The following SLC39A10 variants were observed in gnomAD, a reference collection of about 807,000 sequenced individuals.
The protein encoded by SLC39A10 is solute carrier family 39 member 10.
A neutral mutation model predicts 65.1 loss-of-function variants in SLC39A10; 13 were observed. That is an observed-to-expected ratio of 0.20 (90% CI 0.13 to 0.32). The LOEUF (loss-of-function observed/expected upper bound fraction) is 0.32. Among genes scored for constraint, SLC39A10 ranks in the 10% least tolerant of loss-of-function variants. The probability of loss-of-function intolerance (pLI) is 1.00; values close to 1 mark genes in which losing one functional copy is unlikely to be tolerated. For synonymous variants in SLC39A10, 321 were observed against 342.2 expected (o/e 0.94, Z 0.68); for missense variants, 831 against 1,018.4 (o/e 0.82, Z 2.50).
At position 195,681,001 on chromosome 2, in the gene SLC39A10, C is replaced by G. The variant is rs1186280017; in HGVS notation, c.959C>G (p.Ala320Gly). 4 of 1,612,772 alleles carry G rather than the reference C, an allele frequency of 2.5e-6. No homozygotes were observed. Among genetic ancestry groups the G allele is most frequent in the Non-Finnish European group, 3.4e-6 (4 of 1,179,358 alleles). The change falls in exon 2 of 10, where the codon GCA (alanine) becomes GGA (glycine). Residue 320 changes from alanine (A) to glycine (G), a missense_variant. Ala to Gly is a moderately conservative substitution (Grantham distance 60). Transcript: ENST00000359634. ...GAAGCACCACATGTTAAAAATAATG[C>G]AATAATTTCTTTGAGAAAAGATCTA... ...KREAPHVKNNAIISLRKDLNE... is the reference protein window; with the variant it reads ...KREAPHVKNNGIISLRKDLNE...
At chr2:195,699,085 C>T (rs1196148891) in intron 3 of SLC39A10, among the ~76,000 whole-genome samples, 4 of 151,922 alleles carry the variant, frequency 2.6e-5, no homozygotes, top group African/African-American at 9.7e-5. Context: ...TGTTGGTTTA[C>T]AGCTGTTCAT....
chr2:195,668,119 C>T (rs1299933341), intron 1 of SLC39A10, among the ~76,000 whole-genome samples: 1 of 152,152 alleles, frequency 6.6e-6, no homozygotes, highest in Non-Finnish European at 1.5e-5. Context: ...CACACAGCCT[C>T]ACTGCTTCTC....
rs1051518777 is a variant in SLC39A10 at position 195,657,745 on chromosome 2, G to C, written c.-12+464G>C. 2.3e-5 allele frequency: 13 copies of C among 560,046 alleles called. No individual in the cohort carries two copies. In the African/African-American group the frequency reaches 2.6e-4, roughly 11 times the overall value. 34.7% of individuals were successfully genotyped at this position (560,046 alleles called of 1,614,324 possible). On this transcript the variant is annotated intron_variant, in intron 1 of 9. Coordinates refer to ENST00000359634, the MANE Select transcript of SLC39A10 (RefSeq NM_020342.3). ...GCGAGGCTTTGGGGATCTGTAGGCA[G>C]GTCTTCGGGGGCTTGGCGACCAGCG... is the stretch of plus-strand genomic sequence containing the variant.
chr2:195,722,113 A>C (rs539951453), intron 8 of SLC39A10, among the ~76,000 whole-genome samples: 1 of 152,194 alleles, frequency 6.6e-6, no homozygotes, highest in Non-Finnish European at 1.5e-5. Context: ...CTCTGCTTGG[A>C]CCAGGAACCC....
At chr2:195,629,205 G>A (rs1288263826) in intron 2 of SLC39A10, among the ~76,000 whole-genome samples, 1 of 151,858 alleles carries the variant, frequency 6.6e-6, no homozygotes, top group Non-Finnish European at 1.5e-5. Flanking sequence ...TGGTTAACAC[G>A]GTGAAACCCC....
At chr2:195,635,518 G>A (rs574526264) in intron 2 of SLC39A10, among the ~76,000 whole-genome samples, 49 of 152,154 alleles carry the variant, frequency 3.2e-4, no homozygotes, top group Non-Finnish European at 6.3e-4. Flanking sequence ...CAGTAGTTTA[G>A]CACAAATCAA....
chr2:195,614,914 G>A (rs925287961), intron 2 of SLC39A10, among the ~76,000 whole-genome samples: 5 of 152,090 alleles, frequency 3.3e-5, no homozygotes, highest in Admixed American at 1.3e-4. Flanking sequence ...GCTGGACATG[G>A]TGGTGTGTGC....
chr2:195,629,301 G>A (rs1490323057), intron 2 of SLC39A10, among the ~76,000 whole-genome samples: 1 of 151,614 alleles, frequency 6.6e-6, no homozygotes, highest in African/African-American at 2.4e-5. Context: ...GGCTGAGGCA[G>A]GAGAATCGCT....
chr2:195,688,004 C>T (rs922319645), intron 3 of SLC39A10, among the ~76,000 whole-genome samples: 12 of 152,152 alleles, frequency 7.9e-5, no homozygotes, highest in Non-Finnish European at 1.2e-4. Flanking sequence ...TAAAAGAATG[C>T]ATTTTCTCTC....
At position 195,706,797 on chromosome 2, in the gene SLC39A10, T is replaced by C; in HGVS notation, c.1386+12T>C. On this transcript the variant is annotated intron_variant, in intron 4 of 9. Coordinates refer to ENST00000359634, the MANE Select transcript of SLC39A10 (RefSeq NM_020342.3). The stretch of plus-strand genomic sequence containing the variant: ...ATCTACTGCCCCATGTAAGAAATGT[T>C]TTTAATGTTTTTAAAAATTTAAAAT... 6.8e-7 allele frequency: 1 copy of C among 1,460,114 alleles called. No individual in the cohort carries two copies. The highest frequency in any genetic ancestry group is 1.5e-5 in the African/African-American group (1 of 68,176). 90.4% of individuals were successfully genotyped at this position (1,460,114 alleles called of 1,614,324 possible).
At chr2:195,621,531 G>A (rs1162696540) in intron 2 of SLC39A10, among the ~76,000 whole-genome samples, 12 of 152,210 alleles carry the variant, frequency 7.9e-5, no homozygotes. Flanking sequence ...TGCTGACTTA[G>A]AAGCTACCTG....
chr2:195,728,443 C>T lies in SLC39A10; in HGVS notation c.2337+94C>T, dbSNP rs1394284699. ...AGCCAAACTATTTTTGAAAATATAACTCATTTTAAAGACATAATATCCTAA... is the reference window on the plus strand; with the variant it reads ...AGCCAAACTATTTTTGAAAATATAATTCATTTTAAAGACATAATATCCTAA... On this transcript the variant is annotated intron_variant, in intron 9 of 9. Coordinates refer to ENST00000359634, the MANE Select transcript of SLC39A10 (RefSeq NM_020342.3). The surrounding 1 kb of genome is among the most constrained non-coding windows in gnomAD (Gnocchi z 4.4). The T allele has an allele frequency of 1.4e-5, 17 of 1,218,928 alleles. No homozygotes were observed. The East Asian group carries it at 2.1e-4, about 15-fold the overall frequency. 75.5% of individuals were successfully genotyped at this position (1,218,928 alleles called of 1,614,324 possible). A position where few individuals can be genotyped will look rare whatever the true frequency, so the allele number is the denominator to read the frequency against.
chr2:195,728,303 T>C lies in SLC39A10; in HGVS notation c.2291T>C (p.Phe764Ser). ...QYANNITLWI[F>S]AVTAGMFLYV... is the part of the protein sequence containing the mutation. ...GCCAATAACATCACACTTTGGATCT[T>C]TGCAGTCACTGCAGGCATGTTCCTC... Residue 764 changes from phenylalanine (F) to serine (S), a missense_variant, in exon 9 of 10, where the codon TTT (phenylalanine) becomes TCT (serine). This residue lies in a region of SLC39A10 where 120 missense variants were observed against 203.9 expected (regional missense o/e 0.59). Coordinates refer to ENST00000359634, the MANE Select transcript of SLC39A10 (RefSeq NM_020342.3). This position sits in a 1 kb window ranked among gnomAD's most constrained non-coding sequence, Gnocchi z 4.4. 1 of 1,614,036 alleles carries C rather than the reference T, an allele frequency of 6.2e-7. No individual in the cohort carries two copies. Among genetic ancestry groups the C allele is most frequent in the South Asian group, 1.1e-5 (1 of 91,074 alleles).
At chr2:195,625,124 T>G (rs982546211) in intron 2 of SLC39A10, among the ~76,000 whole-genome samples, 3 of 146,626 alleles carry the variant, frequency 2.0e-5, no homozygotes, top group Admixed American at 6.9e-5. Context: ...GGCTGAGGCA[T>G]GAGAATCGCT....
chr2:195,633,906 A>G (rs185542999), intron 2 of SLC39A10, among the ~76,000 whole-genome samples: 3 of 152,310 alleles, frequency 2.0e-5, no homozygotes, highest in Admixed American at 6.5e-5. Context: ...GCTTTAGGCC[A>G]TGGTCTCAGG....
intron 8 of SLC39A10, among the ~76,000 whole-genome samples, chr2:195,719,147 T>C (rs78077505): frequency 2.6e-5 from 4 of 151,922 alleles, no homozygotes; most frequent in African/African-American, 9.7e-5. Context: ...TTTTTTTTTT[T>C]CGAATGCATT....
intron 1 of SLC39A10, among the ~76,000 whole-genome samples, chr2:195,668,007 A>G (rs998919177): frequency 6.6e-6 from 1 of 152,260 alleles, no homozygotes; most frequent in Non-Finnish European, 1.5e-5. Flanking sequence ...TAGTAATAAG[A>G]CTTAAAGTGG....
intron 8 of SLC39A10, among the ~76,000 whole-genome samples, chr2:195,719,620 T>C (rs1039664661): frequency 2.6e-5 from 4 of 151,814 alleles, no homozygotes; most frequent in African/African-American, 7.3e-5. Context: ...AACTTTCTTT[T>C]TTTTTTTTTT....
chr2:195,621,331 C>T (rs1044958850), intron 2 of SLC39A10, among the ~76,000 whole-genome samples: 1 of 152,158 alleles, frequency 6.6e-6, no homozygotes, highest in Non-Finnish European at 1.5e-5. Context: ...GGAAAGAAGG[C>T]TAACACAAAA....
Sources: allele counts gnomAD v4.1 joint callset (sites outside exome capture counted in the v4.1 genomes callset), GRCh38; gene constraint gnomAD v4.1.1; regional missense constraint gnomAD v4.1.1; non-coding constraint Gnocchi (gnomAD v3.1); transcripts MANE v1.5; gene names NCBI Gene and HGNC (gene_info 2026-07-23, HGNC 2026-07-21).